ENTREP2: variants seen among roughly 807,000 people sequenced by gnomAD.
ENTREP2 encodes the protein protein ENTREP2.
chr15:29,456,946 T>G, the ENTREP2 span, among the ~76,000 whole-genome samples: 3 of 152,226 alleles, frequency 2.0e-5, no homozygotes, highest in African/African-American at 7.2e-5. Context: ...TGATGGAAGA[T>G]CTTCAGTGTT....
At chr15:29,416,885 C>G in the ENTREP2 span, among the ~76,000 whole-genome samples, 1 of 152,200 alleles carries the variant, frequency 6.6e-6, no homozygotes, top group Non-Finnish European at 1.5e-5. Context: ...CCAGAAAACA[C>G]ATGAAAAATT....
the ENTREP2 span, among the ~76,000 whole-genome samples, chr15:29,538,581 T>G: frequency 7.2e-6 from 1 of 139,220 alleles, no homozygotes; most frequent in Non-Finnish European, 1.5e-5. Context: ...GATCACAAGA[T>G]CAGGAGATCG....
the ENTREP2 span, among the ~76,000 whole-genome samples, chr15:29,489,304 G>A: frequency 1.3e-5 from 2 of 152,108 alleles, no homozygotes; most frequent in Admixed American, 6.5e-5. Flanking sequence ...TATGCTAACT[G>A]GGTGCTTGTA....
the ENTREP2 span, among the ~76,000 whole-genome samples, chr15:29,637,965 C>A: frequency 1.3e-5 from 2 of 152,152 alleles, no homozygotes; most frequent in Non-Finnish European, 2.9e-5. Flanking sequence ...GGATGCCCCA[C>A]AGTGAAGAAG....
At chr15:29,186,383 C>G in the ENTREP2 span, among the ~76,000 whole-genome samples, 5 of 152,210 alleles carry the variant, frequency 3.3e-5, no homozygotes, top group African/African-American at 9.6e-5. Flanking sequence ...AGAAGCTGCC[C>G]TAAATCCTGC....
chr15:29,657,330 C>T, the ENTREP2 span, among the ~76,000 whole-genome samples: 1 of 151,914 alleles, frequency 6.6e-6, no homozygotes, highest in Non-Finnish European at 1.5e-5. Context: ...AAAGCGCCCA[C>T]CAGTGTTACA....
At chr15:29,493,855 T>A in the ENTREP2 span, among the ~76,000 whole-genome samples, 1 of 151,964 alleles carries the variant, frequency 6.6e-6, no homozygotes. Flanking sequence ...CTCACACCCG[T>A]AATCCCAGGT....
chr15:29,472,327 A>C, the ENTREP2 span, among the ~76,000 whole-genome samples: 77,936 of 151,708 alleles, frequency 0.51, 21,271 homozygotes, highest in African/African-American at 0.72. Flanking sequence ...CTCGATAATC[A>C]AAACCCACCT....
chr15:29,400,766 T>C, the ENTREP2 span, among the ~76,000 whole-genome samples: 1 of 152,238 alleles, frequency 6.6e-6, no homozygotes, highest in Admixed American at 6.5e-5. Flanking sequence ...CACATTTGTT[T>C]GTGGTAGGAG....
chr15:29,570,563 A>C, the ENTREP2 span: 1 of 1,469,884 alleles, frequency 6.8e-7, no homozygotes, highest in Admixed American at 2.3e-5. Flanking sequence ...GGTGAGCGCC[A>C]GCGCGGCGAA....
chr15:29,391,845 G>A, the ENTREP2 span, among the ~76,000 whole-genome samples: 2 of 152,180 alleles, frequency 1.3e-5, no homozygotes, highest in African/African-American at 4.8e-5. Context: ...GTTGTTTTGA[G>A]ACAGAGTCTG....
At chr15:29,612,983 T>C in the ENTREP2 span, among the ~76,000 whole-genome samples, 75 of 152,292 alleles carry the variant, frequency 4.9e-4, 2 homozygotes, top group African/African-American at 1.7e-3. Flanking sequence ...AGAACGAGAC[T>C]GGTGATGCTA....
chr15:29,646,435 C>G, the ENTREP2 span, among the ~76,000 whole-genome samples: 2 of 152,180 alleles, frequency 1.3e-5, no homozygotes, highest in African/African-American at 4.8e-5. Context: ...TGGTTGTCAG[C>G]TAGGGGTGAA....
the ENTREP2 span, among the ~76,000 whole-genome samples, chr15:29,413,590 A>G: frequency 1.3e-5 from 2 of 152,138 alleles, no homozygotes; most frequent in Admixed American, 6.6e-5. Context: ...AAAATCTACA[A>G]TTTCCAAACT....
the ENTREP2 span, among the ~76,000 whole-genome samples, chr15:29,305,307 G>A: frequency 6.6e-6 from 1 of 152,234 alleles, no homozygotes; most frequent in Admixed American, 6.5e-5. Context: ...ACTATTCTGA[G>A]TGAGACTGGA....
At chr15:29,615,890 C>T in the ENTREP2 span, among the ~76,000 whole-genome samples, 7 of 152,282 alleles carry the variant, frequency 4.6e-5, no homozygotes, top group African/African-American at 1.7e-4. Flanking sequence ...AAGCAGCGTC[C>T]AATACCACCT....
At chr15:29,269,809 T>TGTCGGCTGAGACTGCGTGCTGC in the ENTREP2 span, 9 of 1,142,746 alleles carry the variant, frequency 7.9e-6, no homozygotes, top group Non-Finnish European at 1.0e-5. Context: ...GCGCGCGCAG[T>TGTCGGCTGAGACTGCGTGCTGC]GTCGGCTGAG....
At chr15:29,210,013 T>C in the ENTREP2 span, among the ~76,000 whole-genome samples, 1 of 152,210 alleles carries the variant, frequency 6.6e-6, no homozygotes, top group African/African-American at 2.4e-5. Context: ...ACTTTCTGCA[T>C]TTTAAGATGC....
chr15:29,182,670 G>A, the ENTREP2 span, among the ~76,000 whole-genome samples: 1 of 151,936 alleles, frequency 6.6e-6, no homozygotes, highest in Non-Finnish European at 1.5e-5. Flanking sequence ...GAGAGAGAGA[G>A]AGAAGGGAGA....
Sources: allele counts gnomAD v4.1 joint callset (sites outside exome capture counted in the v4.1 genomes callset), GRCh38; gene constraint gnomAD v4.1.1; transcripts MANE v1.5; gene names NCBI Gene and HGNC (gene_info 2026-07-23, HGNC 2026-07-21).